Variants in FNDC3B observed in about 807,000 individuals in gnomAD.
FNDC3B encodes fibronectin type III domain-containing protein 3B.
A neutral mutation model predicts 151.5 loss-of-function variants in FNDC3B; 12 were observed. The observed-to-expected ratio is 0.08, with a 90% CI of 0.05 to 0.13. The LOEUF (loss-of-function observed/expected upper bound fraction) is 0.13, where lower values mean the gene tolerates loss of function less well. Among genes scored for constraint, FNDC3B ranks in the 10% least tolerant of loss-of-function variants. The pLI, the probability that FNDC3B is intolerant of heterozygous loss-of-function variation, is 1.00. For synonymous variants in FNDC3B, 528 were observed against 549.0 expected, an observed-to-expected ratio of 0.96 and a Z score of 0.54; for missense variants, 1,214 against 1,505.3, an observed-to-expected ratio of 0.81 and a Z score of 3.20.
chr3:172,293,861 A>G (rs1337945050), intron 7 of FNDC3B, among the ~76,000 whole-genome samples: 1 of 152,240 alleles, frequency 6.6e-6, no homozygotes, highest in East Asian at 1.9e-4. Context: ...GTATTTAATA[A>G]TTCCAATAAT....
Position 172,352,177 on chromosome 3 carries a change from T to C in FNDC3B, c.2515-626T>C, listed in dbSNP as rs1474207089. Among the ~76,000 whole-genome samples the C allele has an allele frequency of 6.6e-6, 1 of 151,944 alleles. No individual in the cohort carries two copies. The highest frequency in any genetic ancestry group is 2.4e-5 in the African/African-American group (1 of 41,354). Reference sequence around the variant, plus strand: ...GCAGGAGGTAAGGTAGGAGGAGAAATAAGTGTGGCATCTTGGAGACCTAGT... The same window carrying C: ...GCAGGAGGTAAGGTAGGAGGAGAAACAAGTGTGGCATCTTGGAGACCTAGT... On this transcript the variant is annotated intron_variant, in intron 21 of 25. Transcript: ENST00000415807. The surrounding 1 kb of genome is among the most constrained non-coding windows in gnomAD (Gnocchi z 4.2).
At chr3:172,126,176 G>A (rs1559978043) in intron 2 of FNDC3B, among the ~76,000 whole-genome samples, 1 of 151,978 alleles carries the variant, frequency 6.6e-6, no homozygotes, top group African/African-American at 2.4e-5. Flanking sequence ...TCATTATACT[G>A]CACTGATGTC....
chr3:172,356,254 C>T (rs1363158094), intron 22 of FNDC3B, among the ~76,000 whole-genome samples: 1 of 152,138 alleles, frequency 6.6e-6, no homozygotes, highest in Non-Finnish European at 1.5e-5. Context: ...TCAATCCTAT[C>T]CTTCATTTAT....
chr3:172,205,381 A>G (rs965246311), intron 3 of FNDC3B, among the ~76,000 whole-genome samples: 3 of 152,218 alleles, frequency 2.0e-5, no homozygotes, highest in African/African-American at 4.8e-5. Flanking sequence ...GAAGCCAACC[A>G]TGTGCCAGGT....
intron 3 of FNDC3B, among the ~76,000 whole-genome samples, chr3:172,189,855 T>C (rs1356025524): frequency 3.3e-5 from 5 of 151,740 alleles, no homozygotes; most frequent in Non-Finnish European, 7.4e-5. Context: ...GTCATGTTTT[T>C]ATTATTTTTT....
chr3:172,186,539 A>G (rs1040737589), intron 3 of FNDC3B, among the ~76,000 whole-genome samples: 4 of 152,212 alleles, frequency 2.6e-5, no homozygotes, highest in African/African-American at 9.6e-5. Flanking sequence ...GAAAATACAC[A>G]TGCCATTTCC....
At chr3:172,267,748 A>G (rs185276409) in intron 6 of FNDC3B, among the ~76,000 whole-genome samples, 1 of 152,332 alleles carries the variant, frequency 6.6e-6, no homozygotes, top group African/African-American at 2.4e-5. Flanking sequence ...GGAGCATGAG[A>G]TAAGATTTAC....
At chr3:172,134,749 T>C (rs1307235893) in intron 3 of FNDC3B, among the ~76,000 whole-genome samples, 1 of 152,210 alleles carries the variant, frequency 6.6e-6, no homozygotes, top group African/African-American at 2.4e-5. Flanking sequence ...ATCACTTTTA[T>C]TAATGATTTC....
At chr3:172,154,144 C>T (rs952056797) in intron 3 of FNDC3B, among the ~76,000 whole-genome samples, 1 of 152,076 alleles carries the variant, frequency 6.6e-6, no homozygotes, top group African/African-American at 2.4e-5. Context: ...TTCTAATAGG[C>T]CCCCCAAAAG....
chr3:172,314,396 T>G (rs12631550), intron 11 of FNDC3B, among the ~76,000 whole-genome samples: 20,167 of 152,076 alleles, frequency 0.13, 1,672 homozygotes, highest in South Asian at 0.29. Context: ...TTGAAGAAGG[T>G]TGTGTTCAGG....
At chr3:172,082,717 C>T (rs1328099657) in intron 1 of FNDC3B, among the ~76,000 whole-genome samples, 1 of 152,094 alleles carries the variant, frequency 6.6e-6, no homozygotes, top group African/African-American at 2.4e-5. Flanking sequence ...AGATTCAGGC[C>T]CAGAGAAGTT....
intron 1 of FNDC3B, among the ~76,000 whole-genome samples, chr3:172,042,452 A>G (rs1716133637): frequency 6.6e-6 from 1 of 152,208 alleles, no homozygotes; most frequent in Admixed American, 6.5e-5. Context: ...AGTTTGGAAA[A>G]TGAGGCCCGG....
intron 2 of FNDC3B, among the ~76,000 whole-genome samples, chr3:172,113,025 G>T (rs542187502): frequency 2.2e-3 from 338 of 152,268 alleles, no homozygotes; most frequent in African/African-American, 7.6e-3. Flanking sequence ...CCTTCCAAAT[G>T]TGTAGCTCAT....
chr3:172,107,784 G>GT (rs950512609), intron 1 of FNDC3B, among the ~76,000 whole-genome samples: 12 of 152,138 alleles, frequency 7.9e-5, no homozygotes, highest in African/African-American at 2.9e-4. Context: ...CTCTGTGTGT[G>GT]TATGTAACTG....
chr3:172,190,297 G>A (rs906367782), intron 3 of FNDC3B, among the ~76,000 whole-genome samples: 10 of 152,190 alleles, frequency 6.6e-5, no homozygotes, highest in South Asian at 2.1e-4. Context: ...AGATAGCAGC[G>A]TGTCCTGTCA....
intron 6 of FNDC3B, among the ~76,000 whole-genome samples, chr3:172,265,961 G>T (rs147653113): frequency 1.3e-5 from 2 of 152,186 alleles, no homozygotes; most frequent in Admixed American, 6.5e-5. Flanking sequence ...GAAAAAGATA[G>T]GGATGAATTT....
chr3:172,358,512 T>G (rs1734205088), intron 22 of FNDC3B, among the ~76,000 whole-genome samples: 1 of 152,226 alleles, frequency 6.6e-6, no homozygotes, highest in Admixed American at 6.5e-5. Context: ...TGTTGCTGAG[T>G]CCTTGGCCAT....
chr3:172,068,549 G>T (rs1399567968), intron 1 of FNDC3B, among the ~76,000 whole-genome samples: 2 of 150,784 alleles, frequency 1.3e-5, no homozygotes, highest in Non-Finnish European at 2.9e-5. Context: ...TCAGCCTGCT[G>T]AGTGGCTGGG....
intron 6 of FNDC3B, among the ~76,000 whole-genome samples, chr3:172,274,714 G>T (rs570923912): frequency 1.3e-5 from 2 of 152,108 alleles, no homozygotes; most frequent in Non-Finnish European, 2.9e-5. Context: ...TGTTGGCAGG[G>T]TTGGTCCTTC....
Sources: allele counts gnomAD v4.1 joint callset (sites outside exome capture counted in the v4.1 genomes callset), GRCh38; gene constraint gnomAD v4.1.1; non-coding constraint Gnocchi (gnomAD v3.1); transcripts MANE v1.5; gene names NCBI Gene and HGNC (gene_info 2026-07-23, HGNC 2026-07-21).